The following HHAT variants were observed in gnomAD, a reference collection of about 807,000 sequenced individuals.
The protein encoded by HHAT is hedgehog acyltransferase.
In HHAT, 47 loss-of-function variants were observed where a neutral mutation model predicts 70.8. The observed-to-expected ratio is 0.66, with a 90% confidence interval of 0.53 to 0.85. The LOEUF (loss-of-function observed/expected upper bound fraction) is 0.85, where lower values mean the gene tolerates loss of function less well. Among genes scored for constraint, HHAT ranks in the 40% least tolerant of loss-of-function variants. HHAT has a pLI of 0.00. For synonymous variants in HHAT, 228 were observed against 247.6 expected, an observed-to-expected ratio of 0.92 and a Z score of 0.74; for missense variants, 609 against 604.8, an observed-to-expected ratio of 1.01 and a Z score of -0.07.
chr1:210,457,049 G>A lies in HHAT; in HGVS notation c.857-7456G>A, dbSNP rs554499051. Among the ~76,000 whole-genome samples the A allele has an allele frequency of 6.6e-5, 10 of 152,220 alleles. No homozygotes were observed. The South Asian group carries it at 1.2e-3, about 19-fold the overall frequency. ...GATCCATCTCCTCCTGACCAAGCAC[G>A]TTACAGAACTCCTGTGGGGCAATAG... On this transcript the variant is annotated intron_variant, in intron 7 of 11. Coordinates refer to ENST00000261458, the MANE Select transcript of HHAT (RefSeq NM_018194.6).
rs745691529 is a variant in HHAT, at chr1:210,418,259, C to T, written c.790C>T (p.Leu264=). 1.2e-6 allele frequency: 2 copies of T among 1,613,908 alleles called. No individual in the cohort carries two copies. Among genetic ancestry groups the T allele is most frequent in the Admixed American group, 1.7e-5 (1 of 59,978 alleles). The change falls in exon 7 of 12, where the codon CTG becomes TTG. Residue 264 remains leucine, a synonymous_variant. Coordinates refer to ENST00000261458, the MANE Select transcript of HHAT (RefSeq NM_018194.6). The part of the protein sequence containing the change: ...WWWLAELMAH[L]MYMHAIYSSI... The stretch of plus-strand genomic sequence containing the variant: ...GTGGCTGGCCGAGCTGATGGCTCAC[C>T]TGATGTACATGCATGCCATCTACAG...
chr1:210,474,490 T>G (rs554828057), intron 8 of HHAT, among the ~76,000 whole-genome samples: 43 of 152,268 alleles, frequency 2.8e-4, no homozygotes, highest in South Asian at 1.0e-3. Flanking sequence ...TAACTTAATT[T>G]TTTATTTCCA....
chr1:210,493,797 C>T (rs1396611290), intron 8 of HHAT, among the ~76,000 whole-genome samples: 1 of 152,148 alleles, frequency 6.6e-6, no homozygotes, highest in Non-Finnish European at 1.5e-5. Context: ...ACCTGAAAAC[C>T]CTGTTTTCTG....
At position 210,342,928 on chromosome 1, in the gene HHAT, TAAAC is replaced by T. The variant is rs1266166022; in HGVS notation, c.-43-6003_-43-6000del. 3.9e-5 allele frequency among the ~76,000 whole-genome samples: 6 copies of T among 152,222 alleles called. No homozygotes were observed. In the East Asian group the frequency reaches 9.6e-4, roughly 24 times the overall value. On this transcript the variant is annotated intron_variant, in intron 1 of 11. Transcript: ENST00000261458. ...TTACTTTCTGGCTGCACAGCTGAAA[TAAAC>T]AGGGAAAACAAAGTAGGGAAATAAT... is the stretch of plus-strand genomic sequence containing the variant.
chr1:210,562,903 GT>G (rs2095637377), intron 9 of HHAT, among the ~76,000 whole-genome samples: 2 of 149,364 alleles, frequency 1.3e-5, no homozygotes, highest in African/African-American at 4.9e-5. Context: ...AGAACATGCG[GT>G]GTTTGGTTTT....
intron 11 of HHAT, among the ~76,000 whole-genome samples, chr1:210,642,266 G>A (rs1439314259): frequency 6.6e-6 from 1 of 152,124 alleles, no homozygotes; most frequent in Non-Finnish European, 1.5e-5. Context: ...ACAGTATTTC[G>A]TTGTGTGAAC....
intron 8 of HHAT, among the ~76,000 whole-genome samples, chr1:210,481,459 A>G (rs1175454077): frequency 6.6e-6 from 1 of 152,194 alleles, no homozygotes; most frequent in Non-Finnish European, 1.5e-5. Flanking sequence ...GTACTTAGCA[A>G]CGCTAGACAG....
chr1:210,373,859 A>G (rs918943296), intron 3 of HHAT, among the ~76,000 whole-genome samples: 30 of 152,200 alleles, frequency 2.0e-4, no homozygotes, highest in African/African-American at 6.8e-4. Flanking sequence ...TCTCCCAACT[A>G]TGTGGCTGAG....
chr1:210,664,674 C>T (rs1400213687), intron 11 of HHAT, among the ~76,000 whole-genome samples: 2 of 151,610 alleles, frequency 1.3e-5, no homozygotes, highest in Non-Finnish European at 2.9e-5. Context: ...AATGGCAGGG[C>T]ACAGGCATGG....
At chr1:210,593,774 T>C (rs952370579) in intron 10 of HHAT, among the ~76,000 whole-genome samples, 10 of 152,120 alleles carry the variant, frequency 6.6e-5, no homozygotes, top group African/African-American at 2.4e-4. Context: ...GTGTGTAATT[T>C]CTTCAGCTGT....
rs1169106378 is a variant in HHAT, at chr1:210,531,616, G to C, written c.1043+18428G>C. On this transcript the variant is annotated intron_variant, in intron 9 of 11. Coordinates refer to ENST00000261458, the MANE Select transcript of HHAT (RefSeq NM_018194.6). ...TTTGTAAGTTGGAAATGATAAATTT[G>C]CTAATGTATGTAAAATACTTAGGAC... Among the ~76,000 whole-genome samples the C allele has an allele frequency of 2.0e-5, 3 of 152,296 alleles. No individual in the cohort carries two copies. In the East Asian group the frequency reaches 5.8e-4, roughly 29 times the overall value.
At chr1:210,667,410 T>TAAA (rs1679150157) in intron 11 of HHAT, among the ~76,000 whole-genome samples, 2 of 94,566 alleles carry the variant, frequency 2.1e-5, no homozygotes, top group Non-Finnish European at 2.8e-5. Flanking sequence ...AAATAAATAA[T>TAAA]TATTTTTTCT....
chr1:210,388,538 T>C (rs2091243250), intron 4 of HHAT, among the ~76,000 whole-genome samples: 1 of 152,110 alleles, frequency 6.6e-6, no homozygotes, highest in Non-Finnish European at 1.5e-5. Context: ...AACTTCTTCT[T>C]GAATATGATA....
intron 6 of HHAT, among the ~76,000 whole-genome samples, chr1:210,413,087 G>A (rs2092613602): frequency 6.6e-6 from 1 of 152,180 alleles, no homozygotes; most frequent in Non-Finnish European, 1.5e-5. Context: ...CTGTGATGAT[G>A]GTGGCAGCAG....
chr1:210,478,915 C>T (rs562688686), intron 8 of HHAT, among the ~76,000 whole-genome samples: 2 of 152,260 alleles, frequency 1.3e-5, no homozygotes, highest in East Asian at 1.9e-4. Context: ...TAATGAGAGA[C>T]AAGCATCTGG....
intron 7 of HHAT, among the ~76,000 whole-genome samples, chr1:210,437,911 T>G (rs1193779264): frequency 6.6e-6 from 1 of 151,906 alleles, no homozygotes; most frequent in African/African-American, 2.4e-5. Flanking sequence ...CCACTTGAAA[T>G]TCCACCCACT....
chr1:210,624,265 G>A (rs1186976699), intron 11 of HHAT, among the ~76,000 whole-genome samples: 1 of 152,132 alleles, frequency 6.6e-6, no homozygotes, highest in Admixed American at 6.5e-5. Flanking sequence ...CAGCAAGAAG[G>A]TCTTCACCAG....
chr1:210,448,660 A>G (rs2093685113), intron 7 of HHAT, among the ~76,000 whole-genome samples: 1 of 152,210 alleles, frequency 6.6e-6, no homozygotes, highest in Admixed American at 6.5e-5. Context: ...CCCAGCTTTC[A>G]TGATTTCCCT....
At chr1:210,621,919 G>A (rs1668915067) in intron 10 of HHAT, among the ~76,000 whole-genome samples, 1 of 152,176 alleles carries the variant, frequency 6.6e-6, no homozygotes, top group Non-Finnish European at 1.5e-5. Context: ...AGTGATGTTG[G>A]AGCAGAGAGC....
Sources: allele counts gnomAD v4.1 joint callset (sites outside exome capture counted in the v4.1 genomes callset), GRCh38; gene constraint gnomAD v4.1.1; transcripts MANE v1.5; gene names NCBI Gene and HGNC (gene_info 2026-07-23, HGNC 2026-07-21).